The following SP100 variants were observed in gnomAD, a reference collection of about 807,000 sequenced individuals.
SP100 encodes nuclear autoantigen Sp-100.
A neutral mutation model predicts 130.0 loss-of-function variants in SP100; 84 were observed. That is an observed-to-expected ratio of 0.65 (90% CI 0.54 to 0.77). The LOEUF is 0.77. SP100 is among the 30% of genes least tolerant of loss of function. SP100 has a pLI of 0.00. For missense variants in SP100, 978 were observed against 1,052.2 expected (o/e 0.93, Z 0.97); for synonymous variants, 331 against 351.7 (o/e 0.94, Z 0.66).
intron 19 of SP100, among the ~76,000 whole-genome samples, chr2:230,502,612 A>G (rs2067099285): frequency 6.6e-6 from 1 of 152,188 alleles, no homozygotes; most frequent in Non-Finnish European, 1.5e-5. Context: ...GTTCAACTTC[A>G]TTCTTGCTCT....
chr2:230,462,356 T>A, intron 9 of SP100, 79 bp from the exon 10 acceptor site: 1 of 1,100,330 alleles, frequency 9.1e-7, no homozygotes, highest in Admixed American at 1.8e-5. Context: ...TTCCTAGTGC[T>A]CTCATTGTGG....
At chr2:230,436,977 TAC>T (rs1268771865) in intron 2 of SP100, among the ~76,000 whole-genome samples, 3 of 148,712 alleles carry the variant, frequency 2.0e-5, no homozygotes, top group African/African-American at 7.4e-5. Flanking sequence ...TATATGTGTA[TAC>T]ACACACATAT....
chr2:230,443,209 C>T (rs2063539864), intron 3 of SP100, 110 bp downstream of exon 3: 1 of 1,010,952 alleles, frequency 9.9e-7, no homozygotes, highest in Non-Finnish European at 1.5e-6. Context: ...GACAGGTCTC[C>T]TATGAGTGGG....
At position 230,544,775 on chromosome 2, in the gene SP100, C is replaced by T. The variant is rs1472460600; in HGVS notation, c.*1829C>T. Reference sequence around the variant, plus strand: ...GGATTACAGGCATCAGCCACCATGCCCGGATGAAAAGACACTTTCCAAAAG... The same window carrying T: ...GGATTACAGGCATCAGCCACCATGCTCGGATGAAAAGACACTTTCCAAAAG... On this transcript the variant is annotated 3_prime_UTR_variant, in exon 29 of 29. Transcript: ENST00000340126. Among the ~76,000 whole-genome samples, 1 of 152,156 alleles carries T rather than the reference C, an allele frequency of 6.6e-6. No individual in the cohort carries two copies. The highest frequency in any genetic ancestry group is 2.4e-5 in the African/African-American group (1 of 41,438).
chr2:230,471,690 G>C (rs1375453778), intron 15 of SP100, among the ~76,000 whole-genome samples: 1 of 152,056 alleles, frequency 6.6e-6, no homozygotes, highest in Non-Finnish European at 1.5e-5. Context: ...GCTTGCGACA[G>C]GTTTGAGGGA....
chr2:230,464,036 G>A (rs1220888769), intron 10 of SP100, 31 bp from the exon 11 acceptor site: 2 of 1,426,238 alleles, frequency 1.4e-6, no homozygotes, highest in Admixed American at 1.7e-5. Flanking sequence ...CACACACTGA[G>A]ACCTCTAAAG....
At chr2:230,436,287 T>C (rs181102007) in intron 2 of SP100, among the ~76,000 whole-genome samples, 171 of 152,228 alleles carry the variant, frequency 1.1e-3, no homozygotes, top group African/African-American at 3.9e-3. Context: ...AAGCTATAAG[T>C]TTTATATATC....
intron 2 of SP100, among the ~76,000 whole-genome samples, chr2:230,425,872 G>A (rs919251821): frequency 6.6e-6 from 1 of 151,884 alleles, no homozygotes; most frequent in Non-Finnish European, 1.5e-5. Context: ...GAATTCACTA[G>A]CATAGCCAAC....
intron 24 of SP100, among the ~76,000 whole-genome samples, chr2:230,517,515 A>G (rs541086243): frequency 6.6e-6 from 1 of 152,290 alleles, no homozygotes; most frequent in South Asian, 2.1e-4. Flanking sequence ...TAATCCCAGC[A>G]CTGTGGGAGG....
intron 24 of SP100, chr2:230,520,770 G>A (rs1407692578): frequency 2.0e-5 from 3 of 152,332 alleles, no homozygotes; most frequent in African/African-American, 7.2e-5. Flanking sequence ...GTGTTCCAGA[G>A]TCTGTTACAA....
chr2:230,421,327 T>C (rs1305988155), intron 2 of SP100, among the ~76,000 whole-genome samples: 1 of 152,176 alleles, frequency 6.6e-6, no homozygotes, highest in Admixed American at 6.5e-5. Context: ...TCCATTCCCC[T>C]GATTCCATCA....
At chr2:230,418,558 C>T (rs1177264182) in intron 2 of SP100, among the ~76,000 whole-genome samples, 2 of 152,026 alleles carry the variant, frequency 1.3e-5, no homozygotes, top group Admixed American at 6.6e-5. Context: ...CCCCAAACTT[C>T]CCGTTTGCTT....
At position 230,475,152 on chromosome 2, in the gene SP100, C is replaced by G. The variant is rs115132823; in HGVS notation, c.1600+705C>G. Among the ~76,000 whole-genome samples, 536 of 152,264 alleles carry G rather than the reference C, an allele frequency of 3.5e-3. 4 individuals are homozygous for G. The highest frequency in any genetic ancestry group is 0.012 in the African/African-American group (496 of 41,548). ...TGGTTGAACTAATTTTACCCTCCCACCAACAGTGTATGAGCATTCCTTTTC... is the reference window on the plus strand; with the variant it reads ...TGGTTGAACTAATTTTACCCTCCCAGCAACAGTGTATGAGCATTCCTTTTC... On this transcript the variant is annotated intron_variant, in intron 17 of 28. Transcript: ENST00000340126.
chr2:230,469,013 T>C (rs752993136), intron 13 of SP100, 30 bp from the exon 14 acceptor site: 4 of 1,373,252 alleles, frequency 2.9e-6, no homozygotes, highest in Non-Finnish European at 4.1e-6. Flanking sequence ...TAGTTAGATA[T>C]TATTGATTTG....
intron 17 of SP100, among the ~76,000 whole-genome samples, chr2:230,476,457 C>T (rs2065553979): frequency 6.6e-6 from 1 of 152,102 alleles, no homozygotes; most frequent in South Asian, 2.1e-4. Context: ...TAAGATAAAA[C>T]CTGAATGCCT....
intron 17 of SP100, among the ~76,000 whole-genome samples, chr2:230,486,666 G>T (rs956613221): frequency 6.6e-6 from 1 of 152,198 alleles, no homozygotes; most frequent in Non-Finnish European, 1.5e-5. Context: ...ATAGTAGAAT[G>T]ACTTATATTC....
At chr2:230,470,965 CAT>C (rs60924022) in intron 15 of SP100, among the ~76,000 whole-genome samples, 43,598 of 151,836 alleles carry the variant, frequency 0.29, 6,481 homozygotes, top group South Asian at 0.45. Flanking sequence ...TAAACACACA[CAT>C]ATGTGTGTGT....
intron 8 of SP100, among the ~76,000 whole-genome samples, chr2:230,455,834 A>G (rs538315229): frequency 1.9e-4 from 29 of 152,324 alleles, no homozygotes; most frequent in African/African-American, 6.5e-4. Context: ...AAAACATCTT[A>G]TAACAGGCTA....
At chr2:230,491,873 T>C (rs2066410665) in intron 17 of SP100, among the ~76,000 whole-genome samples, 1 of 152,222 alleles carries the variant, frequency 6.6e-6, no homozygotes, top group Non-Finnish European at 1.5e-5. Flanking sequence ...AAGCAGAAGA[T>C]ATGTGAGCCA....
Sources: allele counts gnomAD v4.1 joint callset (sites outside exome capture counted in the v4.1 genomes callset), GRCh38; gene constraint gnomAD v4.1.1; transcripts MANE v1.5; gene names NCBI Gene and HGNC (gene_info 2026-07-23, HGNC 2026-07-21).